The following ST18 variants were observed in gnomAD, a reference collection of about 807,000 sequenced individuals.
ST18 encodes the protein suppression of tumorigenicity 18 protein.
ST18 carries 50 observed loss-of-function variants against 110.0 expected under a neutral mutation model. The ratio of observed to expected loss-of-function variants is 0.45; its 90% CI spans 0.36 to 0.58. The LOEUF is 0.58. Among genes scored for constraint, ST18 ranks in the 20% least tolerant of loss-of-function variants. The probability of loss-of-function intolerance (pLI) is 0.00; values close to 1 mark genes in which losing one functional copy is unlikely to be tolerated. For missense variants in ST18, 1,306 were observed against 1,280.1 expected (o/e 1.02, Z -0.31); for synonymous variants, 461 against 452.4 (o/e 1.02, Z -0.24).
chr8:52,118,181 C>A (rs1478221268), intron 24 of ST18, among the ~76,000 whole-genome samples, 157 bp downstream of exon 24: 2 of 152,172 alleles, frequency 1.3e-5, no homozygotes, highest in Non-Finnish European at 2.9e-5. Flanking sequence ...GATGATCCAC[C>A]TATTCAGAAT....
At chr8:52,156,804 T>C (rs1232579461) in intron 15 of ST18, among the ~76,000 whole-genome samples, 2 of 152,176 alleles carry the variant, frequency 1.3e-5, no homozygotes, top group Non-Finnish European at 2.9e-5. Flanking sequence ...AAAGTGACAA[T>C]CTAGGGCACG....
chr8:52,113,803 T>C (rs1251653827), intron 25 of ST18, among the ~76,000 whole-genome samples: 1 of 152,030 alleles, frequency 6.6e-6, no homozygotes, highest in African/African-American at 2.4e-5. Context: ...AGTTGCTCAG[T>C]AACAGTTGTG....
chr8:52,343,894 T>C (rs540398051), intron 2 of ST18, among the ~76,000 whole-genome samples: 1 of 152,352 alleles, frequency 6.6e-6, no homozygotes, highest in East Asian at 1.9e-4. Context: ...TATTATACTC[T>C]ATTGGGAAGG....
chr8:52,298,283 A>G (rs1358135934), intron 2 of ST18, among the ~76,000 whole-genome samples: 4 of 152,330 alleles, frequency 2.6e-5, no homozygotes, highest in South Asian at 4.1e-4. Flanking sequence ...AGGAACTGGG[A>G]TTGGTGGGCA....
chr8:52,218,896 C>T (rs1355604801), intron 5 of ST18, among the ~76,000 whole-genome samples: 1 of 148,384 alleles, frequency 6.7e-6, no homozygotes, highest in Non-Finnish European at 1.5e-5. Context: ...TCTGTGGCTG[C>T]TGAGAAGAGC....
rs572984426 is a variant in ST18, at chr8:52,165,271, T to C, written c.1205-46A>G. 75 of 1,588,302 alleles carry C rather than the reference T, an allele frequency of 4.7e-5. 1 individual carries two copies. In the South Asian group the frequency reaches 5.3e-4, roughly 11 times the overall value. ...AAAGGAAAGAATACTTTACCATAAA[T>C]ACAAAGCACACTAACACGTGTATCT... On this transcript the variant is annotated intron_variant, in intron 11 of 25. Coordinates refer to ENST00000689386, the MANE Select transcript of ST18 (RefSeq NM_001352837.2).
At chr8:52,231,954 T>C (rs550037871) in intron 2 of ST18, among the ~76,000 whole-genome samples, 4 of 152,314 alleles carry the variant, frequency 2.6e-5, no homozygotes, top group Admixed American at 1.3e-4. Context: ...ATGCGTTCCG[T>C]AGATCTATGG....
At chr8:52,201,574 C>T (rs539518014) in intron 8 of ST18, among the ~76,000 whole-genome samples, 29 of 152,170 alleles carry the variant, frequency 1.9e-4, no homozygotes, top group African/African-American at 6.5e-4. Flanking sequence ...TCCTGTAACT[C>T]AGGCAGAGAA....
rs1005144346 is a variant in ST18 at position 52,365,547 on chromosome 8, A to G, written c.-465+43781T>C. ...AAAAAATGTTATATACATAATATAT[A>G]CTGGTAACTTTTCTCAGAGCAACCA... On this transcript the variant is annotated intron_variant, in intron 2 of 25. Transcript: ENST00000689386. 3.4e-5 allele frequency among the ~76,000 whole-genome samples: 5 copies of G among 148,194 alleles called. No individual in the cohort carries two copies. In the East Asian group the frequency reaches 1.0e-3, roughly 30 times the overall value.
intron 2 of ST18, among the ~76,000 whole-genome samples, chr8:52,390,092 A>T (rs938683379): frequency 1.3e-5 from 2 of 152,090 alleles, no homozygotes; most frequent in Non-Finnish European, 2.9e-5. Flanking sequence ...GAGGAAACCA[A>T]TGGCTCTAAG....
intron 2 of ST18, among the ~76,000 whole-genome samples, chr8:52,283,723 G>A (rs2095424339): frequency 6.6e-6 from 1 of 152,142 alleles, no homozygotes; most frequent in African/African-American, 2.4e-5. Context: ...TGGCCTTTGA[G>A]AGGAGTACTG....
chr8:52,342,986 G>A (rs1815850612), intron 2 of ST18, among the ~76,000 whole-genome samples: 1 of 152,130 alleles, frequency 6.6e-6, no homozygotes, highest in South Asian at 2.1e-4. Context: ...GGATGAGGGA[G>A]GTATCAATCT....
intron 2 of ST18, among the ~76,000 whole-genome samples, chr8:52,258,761 T>G (rs1024024419): frequency 6.6e-6 from 1 of 152,182 alleles, no homozygotes; most frequent in Non-Finnish European, 1.5e-5. Flanking sequence ...AACCCCAATA[T>G]AGAGTTGAAG....
Position 52,113,169 on chromosome 8 carries a change from A to AACC in ST18, c.*28_*29insGGT. On this transcript the variant is annotated 3_prime_UTR_variant, in exon 26 of 26. Transcript: ENST00000689386. ...CCATCTGGAGTTTACTGCTGTTGGT[A>AACC]ACTTCTGTTGCCCGGCAGCGCTGTG... is the stretch of plus-strand genomic sequence containing the variant. The AACC allele has an allele frequency of 6.2e-7, 1 of 1,612,056 alleles. No individual in the cohort carries two copies. Among genetic ancestry groups the AACC allele is most frequent in the Non-Finnish European group, 8.5e-7 (1 of 1,179,204 alleles).
intron 15 of ST18, among the ~76,000 whole-genome samples, chr8:52,150,205 G>A (rs559482588): frequency 1.3e-5 from 2 of 152,080 alleles, no homozygotes; most frequent in African/African-American, 2.4e-5. Flanking sequence ...TAAGCTTAAT[G>A]TAAATAAGAT....
chr8:52,288,928 C>T (rs999383020), intron 2 of ST18, among the ~76,000 whole-genome samples: 1 of 152,076 alleles, frequency 6.6e-6, no homozygotes, highest in Non-Finnish European at 1.5e-5. Context: ...CCACCACTAG[C>T]TCTGCCTCCT....
chr8:52,127,763 T>C (rs560601473), intron 22 of ST18, among the ~76,000 whole-genome samples: 1 of 152,108 alleles, frequency 6.6e-6, no homozygotes, highest in East Asian at 1.9e-4. Context: ...TTTTGTGTCT[T>C]CCAATGTAGA....
intron 2 of ST18, among the ~76,000 whole-genome samples, chr8:52,326,949 G>T (rs1806717909): frequency 6.6e-6 from 1 of 152,100 alleles, no homozygotes; most frequent in African/African-American, 2.4e-5. Flanking sequence ...AGTGTTTCTG[G>T]GGAGCCAGAG....
chr8:52,402,267 G>T (rs994839028), intron 2 of ST18, among the ~76,000 whole-genome samples: 2 of 152,182 alleles, frequency 1.3e-5, no homozygotes, highest in Admixed American at 1.3e-4. Context: ...GCATCACTGT[G>T]TTCAAGGGCA....
Sources: allele counts gnomAD v4.1 joint callset (sites outside exome capture counted in the v4.1 genomes callset), GRCh38; gene constraint gnomAD v4.1.1; transcripts MANE v1.5; gene names NCBI Gene and HGNC (gene_info 2026-07-23, HGNC 2026-07-21).